Variants in ME3 observed in about 807,000 individuals in gnomAD.
ME3 encodes malic enzyme 3.
ME3 carries 48 observed loss-of-function variants against 68.9 expected under a neutral mutation model. The observed-to-expected ratio is 0.70, with a 90% CI of 0.55 to 0.89. ME3 has a LOEUF of 0.89. Among genes scored for constraint, ME3 ranks in the 40% least tolerant of loss-of-function variants. The pLI is 0.00. For synonymous variants in ME3, 320 were observed against 318.8 expected (o/e 1.00, Z -0.04); for missense variants, 675 against 797.4 (o/e 0.85, Z 1.85).
intron 8 of ME3, among the ~76,000 whole-genome samples, chr11:86,456,015 C>G (rs184828459): frequency 1.8e-4 from 27 of 152,332 alleles, no homozygotes; most frequent in Non-Finnish European, 1.5e-5. Context: ...TTTTCTCTGC[C>G]TCCCTCCAAG....
At chr11:86,572,827 T>A (rs1468092277) in intron 2 of ME3, among the ~76,000 whole-genome samples, 1 of 152,242 alleles carries the variant, frequency 6.6e-6, no homozygotes, top group East Asian at 1.9e-4. Flanking sequence ...ATGGTATTTC[T>A]GCTTCTAGAT....
intron 2 of ME3, among the ~76,000 whole-genome samples, chr11:86,623,242 C>T (rs545010705): frequency 6.6e-6 from 1 of 152,256 alleles, no homozygotes; most frequent in South Asian, 2.1e-4. Flanking sequence ...TTGTCACTCT[C>T]CTCTTGAGCC....
chr11:86,644,163 C>A (rs1944851585), intron 2 of ME3, among the ~76,000 whole-genome samples: 1 of 152,186 alleles, frequency 6.6e-6, no homozygotes, highest in Middle Eastern at 3.4e-3. Context: ...GTGGGGCAGC[C>A]CCGGTTGCTC....
intron 2 of ME3, among the ~76,000 whole-genome samples, chr11:86,651,398 T>A (rs1231488633): frequency 3.3e-5 from 5 of 152,258 alleles, no homozygotes; most frequent in Middle Eastern, 6.8e-3. Flanking sequence ...AGACAAAACT[T>A]CCAGAGGAAC....
chr11:86,523,562 T>G (rs582282), intron 4 of ME3, among the ~76,000 whole-genome samples: 121,892 of 152,040 alleles, frequency 0.8, 49,105 homozygotes, highest in South Asian at 0.84. Flanking sequence ...TATCCTCTTT[T>G]TTGATTATGA....
At chr11:86,467,932 A>AATC (rs1413827356) in intron 7 of ME3, among the ~76,000 whole-genome samples, 1 of 152,144 alleles carries the variant, frequency 6.6e-6, no homozygotes, top group Non-Finnish European at 1.5e-5. Flanking sequence ...AGGCCATGTG[A>AATC]ATCACTCATC....
At chr11:86,667,152 G>A (rs1242289120) in intron 2 of ME3, among the ~76,000 whole-genome samples, 12 of 152,150 alleles carry the variant, frequency 7.9e-5, no homozygotes, top group Admixed American at 7.9e-4. Context: ...AGTCTCTGAG[G>A]CCCCACTACG....
chr11:86,566,095 A>G (rs949611592), intron 2 of ME3, among the ~76,000 whole-genome samples: 3 of 152,042 alleles, frequency 2.0e-5, no homozygotes, highest in Non-Finnish European at 4.4e-5. Flanking sequence ...CAGCTTTCTC[A>G]TGGGAGGCCC....
At chr11:86,436,596 T>C (rs529565619), downstream of ME3, 3 of 152,304 alleles carry the variant, frequency 2.0e-5, no homozygotes, top group South Asian at 6.2e-4. Context: ...ATAAAGATAT[T>C]CTGCTATATT....
chr11:86,591,284 T>C (rs765187719), intron 2 of ME3, among the ~76,000 whole-genome samples: 3 of 152,262 alleles, frequency 2.0e-5, no homozygotes, highest in Non-Finnish European at 4.4e-5. Flanking sequence ...GCCCCTGTTA[T>C]GGGCTGAATT....
Position 86,527,370 on chromosome 11 carries a change from A to G in ME3, c.468-18503T>C, listed in dbSNP as rs1242008696. 5.3e-5 allele frequency among the ~76,000 whole-genome samples: 8 copies of G among 152,228 alleles called. No homozygotes were observed. The East Asian group carries it at 1.3e-3, about 26-fold the overall frequency. ...CCAAGAAATATGGGACTATGTGAAA[A>G]GACCAAATCTATGTCTGACTGGTGT... On this transcript the variant is annotated intron_variant, in intron 4 of 14. Coordinates refer to ENST00000543262, the Ensembl canonical transcript of ME3.
At position 86,593,297 on chromosome 11, in the gene ME3, C is replaced by T. The variant is rs145186832; in HGVS notation, c.184-33474G>A. Among the ~76,000 whole-genome samples, 37 of 147,042 alleles carry T rather than the reference C, an allele frequency of 2.5e-4. 6 individuals are homozygous for T. In the South Asian group the frequency reaches 4.0e-3, roughly 16 times the overall value. ...CCTCCAGGAAGTGACAATGTCATTC[C>T]TAACCTGTTGGAATTTTAACACCTG... On this transcript the variant is annotated intron_variant, in intron 2 of 14. Coordinates refer to ENST00000543262, the Ensembl canonical transcript of ME3.
At chr11:86,490,476 A>G (rs1951936220) in intron 6 of ME3, among the ~76,000 whole-genome samples, 1 of 152,220 alleles carries the variant, frequency 6.6e-6, no homozygotes, top group Non-Finnish European at 1.5e-5. Context: ...ACTTAGAAGC[A>G]TCAAACAGCC....
At chr11:86,589,772 G>T (rs1958953503) in intron 2 of ME3, among the ~76,000 whole-genome samples, 1 of 152,188 alleles carries the variant, frequency 6.6e-6, no homozygotes, top group Admixed American at 6.5e-5. Context: ...ATTGGAAAAC[G>T]TTTCTGCATC....
rs184236297 is a variant in ME3 at position 86,444,609 on chromosome 11, A to G, written c.1555-1690T>C. On this transcript the variant is annotated intron_variant, in intron 13 of 14. Transcript: ENST00000543262. ...ACATCTAAGACGGTAGGCACTGGCAATGCTCTTCAGCAGGGAGTCAAGTTG... is the reference window on the plus strand; with the variant it reads ...ACATCTAAGACGGTAGGCACTGGCAGTGCTCTTCAGCAGGGAGTCAAGTTG... Among the ~76,000 whole-genome samples, 483 of 152,322 alleles carry G rather than the reference A, an allele frequency of 3.2e-3. 2 individuals carry two copies. The highest frequency in any genetic ancestry group is 5.4e-3 in the South Asian group (26 of 4,820).
chr11:86,530,941 A>G (rs1268008729), intron 4 of ME3, among the ~76,000 whole-genome samples: 2 of 152,194 alleles, frequency 1.3e-5, no homozygotes, highest in Non-Finnish European at 2.9e-5. Flanking sequence ...GGCATGTGCA[A>G]GGACTTCATG....
At chr11:86,667,679 T>C (rs1946666218) in intron 2 of ME3, 2 of 152,006 alleles carry the variant, frequency 1.3e-5, no homozygotes, top group South Asian at 4.2e-4. Context: ...AAGGCAACAG[T>C]GTGATAAGAC....
chr11:86,523,876 T>TG (rs1348077109), intron 4 of ME3, among the ~76,000 whole-genome samples: 58 of 152,276 alleles, frequency 3.8e-4, no homozygotes, highest in Non-Finnish European at 7.6e-4. Flanking sequence ...CTTCAGAATC[T>TG]AAAAATTCTA....
chr11:86,520,161 G>A (rs643950), intron 4 of ME3, among the ~76,000 whole-genome samples: 24,559 of 152,024 alleles, frequency 0.16, 2,079 homozygotes, highest in East Asian at 0.26. Flanking sequence ...CTTTCCTTCT[G>A]ACCCTCCCAG....
Sources: allele counts gnomAD v4.1 joint callset (sites outside exome capture counted in the v4.1 genomes callset), GRCh38; gene constraint gnomAD v4.1.1; transcripts MANE v1.5; gene names NCBI Gene and HGNC (gene_info 2026-07-23, HGNC 2026-07-21).